TEAD1: variants seen among roughly 807,000 people sequenced by gnomAD.
TEAD1 encodes TEA domain transcription factor 1, also known as transcriptional enhancer factor TEF-1.
TEAD1 carries 9 observed loss-of-function variants against 54.9 expected under a neutral mutation model. The observed-to-expected ratio is 0.16, with a 90% CI of 0.10 to 0.29. The LOEUF (loss-of-function observed/expected upper bound fraction) is 0.29. Ranked by LOEUF, TEAD1 falls within the 10% of genes least tolerant of loss-of-function variation. The probability of loss-of-function intolerance (pLI) is 1.00; values close to 1 mark genes in which losing one functional copy is unlikely to be tolerated. For synonymous variants in TEAD1, 200 were observed against 187.8 expected (o/e 1.07, Z -0.53); for missense variants, 387 against 535.9 (o/e 0.72, Z 2.74).
At position 12,674,589 on chromosome 11, in the gene TEAD1, G is replaced by GCGGCCGCGTCCAGGCACAGGC. The variant is rs1340902004; in HGVS notation, c.-451_-431dup. The GCGGCCGCGTCCAGGCACAGGC allele has an allele frequency of 6.6e-6, 1 of 150,822 alleles. No homozygotes were observed. The highest frequency in any genetic ancestry group is 2.0e-4 in the East Asian group (1 of 5,002). The allele number at this position is 150,822 out of a possible 1,614,324, so 9.3% of individuals were successfully genotyped here. On this transcript the variant is annotated 5_prime_UTR_variant, in exon 1 of 13. Coordinates refer to ENST00000527636, the MANE Select transcript of TEAD1 (RefSeq NM_021961.6). The stretch of plus-strand genomic sequence containing the variant: ...CCGCGCGGCGGGGCCCGGGCCCGGG[G>GCGGCCGCGTCCAGGCACAGGC]CGGCCGCGTCCAGGCACAGGCCATG...
At chr11:12,872,544 T>A (rs761892472) in intron 5 of TEAD1, among the ~76,000 whole-genome samples, 6 of 152,216 alleles carry the variant, frequency 3.9e-5, no homozygotes, top group Non-Finnish European at 8.8e-5. Flanking sequence ...CAGGCTTCAG[T>A]TGGAACCACT....
chr11:12,807,198 T>C (rs1286857980), intron 3 of TEAD1, among the ~76,000 whole-genome samples: 4 of 152,214 alleles, frequency 2.6e-5, no homozygotes, highest in Non-Finnish European at 5.9e-5. Context: ...TTTATCAGAG[T>C]ATACTGATTT....
intron 9 of TEAD1, among the ~76,000 whole-genome samples, chr11:12,883,500 C>T (rs755016551): frequency 6.6e-6 from 1 of 152,094 alleles, no homozygotes; most frequent in Non-Finnish European, 1.5e-5. Flanking sequence ...CACAATTCAT[C>T]CTCATAAAAA....
At chr11:12,936,983 G>A (rs1949112982) in intron 12 of TEAD1, 126 bp from the exon 13 acceptor site, 2 of 683,790 alleles carry the variant, frequency 2.9e-6, no homozygotes, top group Non-Finnish European at 5.3e-6. Context: ...AGGACACAGA[G>A]TGAGGCTGAG....
At chr11:12,839,694 G>GC (rs1946983229) in intron 3 of TEAD1, among the ~76,000 whole-genome samples, 1 of 152,156 alleles carries the variant, frequency 6.6e-6, no homozygotes, top group East Asian at 1.9e-4. Flanking sequence ...AACGTAAGGA[G>GC]CACGACCAGG....
intron 5 of TEAD1, among the ~76,000 whole-genome samples, chr11:12,879,142 C>T (rs921650594): frequency 2.0e-5 from 3 of 152,172 alleles, no homozygotes; most frequent in African/African-American, 4.8e-5. Flanking sequence ...GGCCCTGTTA[C>T]CCCCAACCCC....
rs557700813 is a variant in TEAD1, at chr11:12,921,518, A to G, written c.874-3394A>G. Among the ~76,000 whole-genome samples, 52 of 145,380 alleles carry G rather than the reference A, an allele frequency of 3.6e-4. 1 individual carries two copies. The highest frequency in any genetic ancestry group is 1.8e-4 in the Non-Finnish European group (12 of 66,684). On this transcript the variant is annotated intron_variant, in intron 10 of 12. Coordinates refer to ENST00000527636, the MANE Select transcript of TEAD1 (RefSeq NM_021961.6). ...TCGTGCCATTGCACTCCAGTCTGCA[A>G]CAAGAGCAAAACTCCATCTCAAAAA... is the stretch of plus-strand genomic sequence containing the variant.
At chr11:12,727,085 C>G (rs1414084744) in intron 2 of TEAD1, among the ~76,000 whole-genome samples, 1 of 151,910 alleles carries the variant, frequency 6.6e-6, no homozygotes, top group Non-Finnish European at 1.5e-5. Flanking sequence ...ACTAAAAATA[C>G]AAAAATCAGC....
chr11:12,771,662 A>T (rs866558381), intron 3 of TEAD1, among the ~76,000 whole-genome samples: 1 of 152,016 alleles, frequency 6.6e-6, no homozygotes, highest in Non-Finnish European at 1.5e-5. Flanking sequence ...GATGGAGATG[A>T]CCTGTAAGGA....
chr11:12,891,406 C>T (rs1948194912), intron 9 of TEAD1, among the ~76,000 whole-genome samples: 1 of 152,176 alleles, frequency 6.6e-6, no homozygotes, highest in South Asian at 2.1e-4. Flanking sequence ...GAGGACCAAA[C>T]CAGGGCAGGG....
chr11:12,838,998 G>A (rs1946967701), intron 3 of TEAD1, among the ~76,000 whole-genome samples: 1 of 152,070 alleles, frequency 6.6e-6, no homozygotes, highest in Admixed American at 6.6e-5. Context: ...CAAAAGACAC[G>A]TCACCACACA....
At chr11:12,925,595 A>T (rs956757215) in intron 11 of TEAD1, among the ~76,000 whole-genome samples, 3 of 152,234 alleles carry the variant, frequency 2.0e-5, no homozygotes, top group Admixed American at 6.5e-5. Flanking sequence ...AGCACCTGAA[A>T]GGAAGCAAAT....
chr11:12,845,156 G>A (rs1040455356), intron 3 of TEAD1, among the ~76,000 whole-genome samples: 4 of 151,752 alleles, frequency 2.6e-5, no homozygotes, highest in South Asian at 4.2e-4. Context: ...GTAGACACGG[G>A]GTTTCACCAT....
At chr11:12,883,231 C>CA in intron 9 of TEAD1, 106 bp downstream of exon 9, 1 of 1,551,676 alleles carries the variant, frequency 6.4e-7, no homozygotes, top group Non-Finnish European at 8.8e-7. Context: ...CCATGCCTGA[C>CA]AAATATCCTG....
intron 2 of TEAD1, among the ~76,000 whole-genome samples, chr11:12,719,962 T>C (rs1335820087): frequency 2.4e-5 from 1 of 41,552 alleles, no homozygotes; most frequent in Non-Finnish European, 4.5e-5. Flanking sequence ...TTTTTTTTTT[T>C]TTTTTTTTTT....
intron 2 of TEAD1, among the ~76,000 whole-genome samples, chr11:12,718,130 A>G (rs1259217769): frequency 6.6e-6 from 1 of 152,126 alleles, no homozygotes; most frequent in Non-Finnish European, 1.5e-5. Context: ...GTCCGCTTAT[A>G]ACCCTGTCTC....
intron 3 of TEAD1, among the ~76,000 whole-genome samples, chr11:12,780,464 G>T (rs1474474281): frequency 6.6e-6 from 1 of 151,890 alleles, no homozygotes; most frequent in Admixed American, 6.6e-5. Flanking sequence ...GGCTGGTCTC[G>T]AACTCCTGAC....
rs898623291 is a variant in TEAD1, at chr11:12,938,330, T to C, written c.*1108T>C. ...TTAGCATCTCTGCTCCCCAGAAAAT[T>C]GTAAGCATCCTCACCAGCCTGTGGA... On this transcript the variant is annotated 3_prime_UTR_variant, in exon 13 of 13. Transcript: ENST00000527636. 6.6e-6 allele frequency: 1 copy of C among 152,610 alleles called. No individual in the cohort carries two copies. The highest frequency in any genetic ancestry group is 2.4e-5 in the African/African-American group (1 of 41,446). The allele number at this position is 152,610 out of a possible 1,614,324, so 9.5% of individuals were successfully genotyped here. A position where few individuals can be genotyped will look rare whatever the true frequency, so the allele number is the denominator to read the frequency against.
At chr11:12,887,232 G>T (rs906288298) in intron 9 of TEAD1, among the ~76,000 whole-genome samples, 75 of 152,060 alleles carry the variant, frequency 4.9e-4, no homozygotes, top group Non-Finnish European at 2.5e-4. Flanking sequence ...AAGTAGCTGG[G>T]ACTACAGGCA....
Sources: allele counts gnomAD v4.1 joint callset (sites outside exome capture counted in the v4.1 genomes callset), GRCh38; gene constraint gnomAD v4.1.1; transcripts MANE v1.5; gene names NCBI Gene and HGNC (gene_info 2026-07-23, HGNC 2026-07-21).